BTN3A2: variants seen among roughly 807,000 people sequenced by gnomAD.
The protein encoded by BTN3A2 is butyrophilin subfamily 3 member A2, also known as butyrophilin protein.
BTN3A2 carries 25 observed loss-of-function variants against 37.6 expected under a neutral mutation model. The ratio of observed to expected loss-of-function variants is 0.66; its 90% CI spans 0.48 to 0.93. The LOEUF is 0.93. Ranked by LOEUF, BTN3A2 falls within the 40% of genes least tolerant of loss-of-function variation. BTN3A2 has a pLI of 0.00. For missense variants in BTN3A2, 266 were observed against 410.9 expected, an observed-to-expected ratio of 0.65 and a Z score of 3.05; for synonymous variants, 122 against 159.4, an observed-to-expected ratio of 0.77 and a Z score of 1.77.
Position 26,370,590 on chromosome 6 carries a change from C to G in BTN3A2, c.702C>G (p.Ser234Arg). ...TCCTCGGCCTGGAAAAGACAGCCAG[C>G]ATTTCCATCGCAGGTCAGTACCTGC... ...NSLLGLEKTA[S>R]ISIADPFFRS... Residue 234 changes from serine (S) to arginine (R), a missense_variant, in exon 5 of 11, where the codon AGC becomes AGG. Around this residue, in one of 3 missense-constraint regions of BTN3A2, gnomAD observed 204 missense variants for 232.6 expected, o/e 0.88. Coordinates refer to ENST00000377708, the MANE Select transcript of BTN3A2 (RefSeq NM_007047.5). 6.2e-7 allele frequency: 1 copy of G among 1,614,226 alleles called. No homozygotes were observed. The highest frequency in any genetic ancestry group is 8.5e-7 in the Non-Finnish European group (1 of 1,180,024).
intron 8 of BTN3A2, 136 bp downstream of exon 8, chr6:26,373,549 T>C: frequency 1.3e-6 from 1 of 743,690 alleles, no homozygotes; most frequent in Non-Finnish European, 1.9e-6. Context: ...AAAACAAGTG[T>C]GGCTCTTTGG....
chr6:26,377,112 T>TC lies in BTN3A2; in HGVS notation c.*1355dup. ...TTGCCCAATACCAAAAGTAGAGAGTTCCCCCGATCCCGACCTAGTGCCTGA... is the reference window on the plus strand; with the variant it reads ...TTGCCCAATACCAAAAGTAGAGAGTTCCCCCCGATCCCGACCTAGTGCCTGA... On this transcript the variant is annotated 3_prime_UTR_variant, in exon 11 of 11. Transcript: ENST00000377708. 1 of 1,319,830 alleles carries TC rather than the reference T, an allele frequency of 7.6e-7. No homozygotes were observed. The highest frequency in any genetic ancestry group is 1.1e-6 in the Non-Finnish European group (1 of 913,070). The allele number at this position is 1,319,830 out of a possible 1,614,324, so 81.8% of individuals were successfully genotyped here. A position where few individuals can be genotyped will look rare whatever the true frequency, so the allele number is the denominator to read the frequency against.
In BTN3A2 at chr6:26,376,459, G is replaced by C. The variant is rs1290187584; in HGVS notation, c.*697G>C. 6.5e-6 allele frequency: 6 copies of C among 929,766 alleles called. No individual in the cohort carries two copies. In the Admixed American group the frequency reaches 2.0e-4, roughly 31 times the overall value. 57.6% of individuals were successfully genotyped at this position (929,766 alleles called of 1,614,324 possible). A position where few individuals can be genotyped will look rare whatever the true frequency, so the allele number is the denominator to read the frequency against. On this transcript the variant is annotated 3_prime_UTR_variant, in exon 11 of 11. Transcript: ENST00000377708. Reference sequence around the variant, plus strand: ...AGAGAATCACATTCAGGGCAGGCTAGGGACACGGGGTTCTGGAAGGACCTC... The same window carrying C: ...AGAGAATCACATTCAGGGCAGGCTACGGACACGGGGTTCTGGAAGGACCTC...
chr6:26,374,447 G>A, intron 9 of BTN3A2, 74 bp downstream of exon 9: 2 of 1,441,308 alleles, frequency 1.4e-6, no homozygotes, highest in Non-Finnish European at 2.0e-6. Flanking sequence ...TTCTCAGCTG[G>A]ATTAATTAGA....
intron 5 of BTN3A2, among the ~76,000 whole-genome samples, chr6:26,371,839 C>T (rs1760147650): frequency 6.6e-6 from 1 of 152,110 alleles, no homozygotes; most frequent in South Asian, 2.1e-4. Context: ...CCACCACACC[C>T]AGCTAATTTT....
At position 26,376,525 on chromosome 6, in the gene BTN3A2, C is replaced by G. The variant is rs2113724626; in HGVS notation, c.*763C>G. On this transcript the variant is annotated 3_prime_UTR_variant, in exon 11 of 11. Coordinates refer to ENST00000377708, the MANE Select transcript of BTN3A2 (RefSeq NM_007047.5). ...GCCTTGCATGCTGTGGCTCTTAAAT[C>G]CAGGAAAAATGGCTGACCCCATGGA... The G allele has an allele frequency of 7.5e-7, 1 of 1,325,684 alleles. No homozygotes were observed. The highest frequency in any genetic ancestry group is 1.0e-6 in the Non-Finnish European group (1 of 978,924). The allele number at this position is 1,325,684 out of a possible 1,614,324, so 82.1% of individuals were successfully genotyped here. A position where few individuals can be genotyped will look rare whatever the true frequency, so the allele number is the denominator to read the frequency against.
intron 8 of BTN3A2, 148 bp downstream of exon 8, chr6:26,373,561 G>C: frequency 8.4e-6 from 3 of 356,782 alleles, no homozygotes; most frequent in Non-Finnish European, 8.9e-6. Context: ...GCTCTTTGGA[G>C]AAACCACCCA....
At position 26,368,011 on chromosome 6, in the gene BTN3A2, C is replaced by G. The variant is rs1759683896; in HGVS notation, c.-45C>G. 7.0e-7 allele frequency: 1 copy of G among 1,433,338 alleles called. No individual in the cohort carries two copies. The highest frequency in any genetic ancestry group is 1.4e-5 in the African/African-American group (1 of 69,476). 88.8% of individuals were successfully genotyped at this position (1,433,338 alleles called of 1,614,324 possible). On this transcript the variant is annotated 5_prime_UTR_variant, in exon 2 of 11. Transcript: ENST00000377708. ...ACAGATGGTTTTCCATACTGGAACC[C>G]AAAGGTAAAGACACTCAAGGACAGA... is the stretch of plus-strand genomic sequence containing the variant.
rs554201845 is a variant in BTN3A2 at position 26,373,082 on chromosome 6, G to A, written c.901G>A (p.Glu301Lys). The change falls in exon 6 of 11, where the codon GAA (glutamate) becomes AAA (lysine). Residue 301 changes from glutamate (E) to lysine (K), a missense_variant. Around this residue, in one of 3 missense-constraint regions of BTN3A2, gnomAD observed 204 missense variants for 232.6 expected, o/e 0.88. Coordinates refer to ENST00000377708, the MANE Select transcript of BTN3A2 (RefSeq NM_007047.5). ...KEMGYAATEREISLRESLQEE... is the reference protein window; with the variant it reads ...KEMGYAATERKISLRESLQEE... The stretch of plus-strand genomic sequence containing the variant: ...AATGGGATATGCTGCAACAGAGCGG[G>A]AAATAAGCCTAAGAGGTATCCAACG... 10 of 1,613,996 alleles carry A rather than the reference G, an allele frequency of 6.2e-6. No individual in the cohort carries two copies. The South Asian group carries it at 7.7e-5, about 12-fold the overall frequency.
In BTN3A2 at chr6:26,377,462, A is replaced by G; in HGVS notation, c.*1700A>G. 1 of 414,004 alleles carries G rather than the reference A, an allele frequency of 2.4e-6. No individual in the cohort carries two copies. Among genetic ancestry groups the G allele is most frequent in the Non-Finnish European group, 4.5e-6 (1 of 222,300 alleles). The allele number at this position is 414,004 out of a possible 1,614,324, so 25.6% of individuals were successfully genotyped here. A position where few individuals can be genotyped will look rare whatever the true frequency, so the allele number is the denominator to read the frequency against. On this transcript the variant is annotated 3_prime_UTR_variant, in exon 11 of 11. Transcript: ENST00000377708. The stretch of plus-strand genomic sequence containing the variant: ...CAACAGAGCTGGGATCTGAACAACA[A>G]TGACTAACATTAATGGAGAATTTAA...
Position 26,367,994 on chromosome 6 carries a change from T to G in BTN3A2, c.-62T>G, listed in dbSNP as rs938960013. ...TAACAGATATTATTTTTACAGATGGTTTTCCATACTGGAACCCAAAGGTAA... is the reference window on the plus strand; with the variant it reads ...TAACAGATATTATTTTTACAGATGGGTTTCCATACTGGAACCCAAAGGTAA... On this transcript the variant is annotated 5_prime_UTR_variant, in exon 2 of 11. Transcript: ENST00000377708. 25 of 1,381,500 alleles carry G rather than the reference T, an allele frequency of 1.8e-5. No individual in the cohort carries two copies. The African/African-American group carries it at 2.5e-4, about 14-fold the overall frequency. 85.6% of individuals were successfully genotyped at this position (1,381,500 alleles called of 1,614,324 possible).
intron 7 of BTN3A2, 38 bp from the exon 8 acceptor site, chr6:26,373,349 A>G (rs1760337948): frequency 1.3e-6 from 2 of 1,597,404 alleles, no homozygotes; most frequent in African/African-American, 2.8e-5. Context: ...CCTCGCTTTG[A>G]GCACCTTGAT....
In BTN3A2 at chr6:26,373,237, CTTTTTTTTTTT is replaced by C. The variant is rs750198408; in HGVS notation, c.917-24_917-14del. The C allele has an allele frequency of 8.9e-6, 12 of 1,352,864 alleles. No individual in the cohort carries two copies. The Admixed American group carries it at 1.0e-4, about 12-fold the overall frequency. 83.8% of individuals were successfully genotyped at this position (1,352,864 alleles called of 1,614,324 possible). Reference sequence around the variant, plus strand: ...ACCAACCTCACCCATAACAGTTCATCTTTTTTTTTTTTTTTTTTTTTTTTTGGTTATTTTCC... The same window carrying C: ...ACCAACCTCACCCATAACAGTTCATCTTTTTTTTTTTTTTGGTTATTTTCC... On this transcript the variant is annotated intron_variant, in intron 6 of 10. Transcript: ENST00000377708.
chr6:26,373,542 AC>A lies in BTN3A2; in HGVS notation c.964+130del, dbSNP rs1445418489. ...GGATCCCTTTACCCAGAAAAAGAAA[AC>A]AAGTGTGGCTCTTTGGAGAAACCAC... On this transcript the variant is annotated intron_variant, in intron 8 of 10. Coordinates refer to ENST00000377708, the MANE Select transcript of BTN3A2 (RefSeq NM_007047.5). The A allele has an allele frequency of 5.0e-6, 5 of 998,832 alleles. No individual in the cohort carries two copies. In the African/African-American group the frequency reaches 8.4e-5, roughly 17 times the overall value. The allele number at this position is 998,832 out of a possible 1,614,324, so 61.9% of individuals were successfully genotyped here.
At position 26,376,759 on chromosome 6, in the gene BTN3A2, G is replaced by T; in HGVS notation, c.*997G>T. On this transcript the variant is annotated 3_prime_UTR_variant, in exon 11 of 11. Coordinates refer to ENST00000377708, the MANE Select transcript of BTN3A2 (RefSeq NM_007047.5). The stretch of plus-strand genomic sequence containing the variant: ...AGACACTACTGGGAGGTGGAAGTGG[G>T]GGACAGAAAAGAGTGGCATATTGGG... 1 of 1,607,486 alleles carries T rather than the reference G, an allele frequency of 6.2e-7. No homozygotes were observed. Among genetic ancestry groups the T allele is most frequent in the Non-Finnish European group, 8.5e-7 (1 of 1,174,124 alleles).
intron 6 of BTN3A2, 88 bp from the exon 7 acceptor site, chr6:26,373,188 T>A (rs1409421315): frequency 6.2e-7 from 1 of 1,602,184 alleles, no homozygotes; most frequent in African/African-American, 1.3e-5. Flanking sequence ...CACTGCATCA[T>A]GTTTAAGGTT....
At chr6:26,373,964 G>T in intron 8 of BTN3A2, 1 of 207,608 alleles carries the variant, frequency 4.8e-6, no homozygotes, top group Non-Finnish European at 9.4e-6. Flanking sequence ...AGCAAGGTAC[G>T]AAATGATACA....
rs528782425 is a variant in BTN3A2, at chr6:26,376,341, C to A, written c.*579C>A. On this transcript the variant is annotated 3_prime_UTR_variant, in exon 11 of 11. Transcript: ENST00000377708. ...GAGGATCCTTGTTGCTTCTTGGGGCCGCATCAGGGTATTGGGTTAGGCAGA... is the reference window on the plus strand; with the variant it reads ...GAGGATCCTTGTTGCTTCTTGGGGCAGCATCAGGGTATTGGGTTAGGCAGA... The A allele has an allele frequency of 3.8e-4, 88 of 230,502 alleles. No individual in the cohort carries two copies. Among genetic ancestry groups the A allele is most frequent in the African/African-American group, 1.9e-3 (83 of 43,708 alleles). The allele number at this position is 230,502 out of a possible 1,614,324, so 14.3% of individuals were successfully genotyped here. A position where few individuals can be genotyped will look rare whatever the true frequency, so the allele number is the denominator to read the frequency against.
At chr6:26,369,275 A>T (rs1759853263) in intron 4 of BTN3A2, among the ~76,000 whole-genome samples, 2 of 152,164 alleles carry the variant, frequency 1.3e-5, no homozygotes, top group South Asian at 2.1e-4. Flanking sequence ...GCACACTACC[A>T]TGGGTCCTGG....
Sources: allele counts gnomAD v4.1 joint callset (sites outside exome capture counted in the v4.1 genomes callset), GRCh38; gene constraint gnomAD v4.1.1; regional missense constraint gnomAD v4.1.1; transcripts MANE v1.5; gene names NCBI Gene and HGNC (gene_info 2026-07-23, HGNC 2026-07-21).